Variants in RAD54L observed in about 807,000 individuals in gnomAD.
RAD54L encodes RAD54 like.
In RAD54L, 74 loss-of-function variants were observed where a neutral mutation model predicts 91.6. The ratio of observed to expected loss-of-function variants is 0.81; its 90% CI spans 0.67 to 0.98. The LOEUF is 0.98. Ranked by LOEUF, RAD54L falls within the 50% of genes least tolerant of loss-of-function variation. The probability of loss-of-function intolerance (pLI) is 0.00; values close to 1 mark genes in which losing one functional copy is unlikely to be tolerated. For missense variants in RAD54L, 887 were observed against 945.7 expected, an observed-to-expected ratio of 0.94 and a Z score of 0.81; for synonymous variants, 304 against 349.7, an observed-to-expected ratio of 0.87 and a Z score of 1.46.
intron 8 of RAD54L, 62 bp from the exon 9 acceptor site, chr1:46,267,397 A>G (rs1660295044): frequency 6.8e-6 from 11 of 1,609,354 alleles, no homozygotes; most frequent in Admixed American, 3.3e-5. Context: ...TCCTGTCTAC[A>G]TGAGACTTTG....
intron 10 of RAD54L, among the ~76,000 whole-genome samples, chr1:46,271,184 T>C (rs1214457596): frequency 6.6e-6 from 1 of 152,142 alleles, no homozygotes; most frequent in Non-Finnish European, 1.5e-5. Context: ...TGAAAGGTGG[T>C]TGTGGCTCCC....
At chr1:46,260,249 A>G (rs1660071753) in intron 5 of RAD54L, 150 bp downstream of exon 5, 2 of 1,295,950 alleles carry the variant, frequency 1.5e-6, no homozygotes, top group African/African-American at 2.9e-5. Context: ...TGCCTGGGGA[A>G]GAGCCTGTGG....
At position 46,272,025 on chromosome 1, in the gene RAD54L, C is replaced by CTTTTTTTTTTTTTTTTTTTTT. The variant is rs1162693010; in HGVS notation, c.1170-427_1170-407dup. Among the ~76,000 whole-genome samples the CTTTTTTTTTTTTTTTTTTTTT allele has an allele frequency of 1.5e-4, 6 of 41,170 alleles. 1 individual carries two copies. Among genetic ancestry groups the CTTTTTTTTTTTTTTTTTTTTT allele is most frequent in the Non-Finnish European group, 2.0e-4 (5 of 24,892 alleles). The allele number at this position is 41,170 out of a possible 152,430, so 27.0% of individuals were successfully genotyped here. Reference sequence around the variant, plus strand: ...GATGTGTTTGACATAGGTCTGATGACTTTTTTTTTTTTTTTTTTTTTTTTT... The same window carrying CTTTTTTTTTTTTTTTTTTTTT: ...GATGTGTTTGACATAGGTCTGATGACTTTTTTTTTTTTTTTTTTTTTTTTTTTTTTTTTTTTTTTTTTTTTT... On this transcript the variant is annotated intron_variant, in intron 10 of 17. Transcript: ENST00000371975.
At chr1:46,276,146 A>G (rs1447205594) in intron 16 of RAD54L, among the ~76,000 whole-genome samples, 4 of 152,240 alleles carry the variant, frequency 2.6e-5, no homozygotes, top group Middle Eastern at 3.4e-3. Flanking sequence ...CTTTAGAAGT[A>G]TCATGACTAA....
intron 14 of RAD54L, 115 bp from the exon 15 acceptor site, chr1:46,274,023 T>C: frequency 9.0e-7 from 1 of 1,110,126 alleles, no homozygotes; most frequent in Non-Finnish European, 1.3e-6. Context: ...GTCCCTTCAG[T>C]GGCTCTCCAA....
chr1:46,258,005 T>C (rs1659988199), intron 3 of RAD54L, among the ~76,000 whole-genome samples: 3 of 152,174 alleles, frequency 2.0e-5, no homozygotes, highest in African/African-American at 7.2e-5. Flanking sequence ...GTGTCTAGCA[T>C]ACATTGGTAG....
At position 46,263,188 on chromosome 1, in the gene RAD54L, A is replaced by G. The variant is rs1344018224; in HGVS notation, c.891+1803A>G. Among the ~76,000 whole-genome samples the G allele has an allele frequency of 6.6e-6, 1 of 152,142 alleles. No individual in the cohort carries two copies. Among genetic ancestry groups the G allele is most frequent in the Non-Finnish European group, 1.5e-5 (1 of 68,020 alleles). Reference sequence around the variant, plus strand: ...TTCTTGTTTCTTGTTTCTGGAACTAAGGGAATATGGCCGTAGTTACTTCCT... The same window carrying G: ...TTCTTGTTTCTTGTTTCTGGAACTAGGGGAATATGGCCGTAGTTACTTCCT... On this transcript the variant is annotated intron_variant, in intron 8 of 17. Coordinates refer to ENST00000371975, the MANE Select transcript of RAD54L (RefSeq NM_003579.4). The surrounding 1 kb of genome is among the most constrained non-coding windows in gnomAD (Gnocchi z 4.3).
At position 46,260,021 on chromosome 1, in the gene RAD54L, ATGACCCCC is replaced by A. The variant is rs1386929128; in HGVS notation, c.332_339del (p.Asp111GlyfsTer9). 3 of 1,614,156 alleles carry A rather than the reference ATGACCCCC, an allele frequency of 1.9e-6. No homozygotes were observed. In the Admixed American group the frequency reaches 5.0e-5, roughly 27 times the overall value. ...AGGGCTGGGGTCCGCCGGGCCCTCC[ATGACCCCC>A]TGGAAAAAGATGCCTTGGTTCTGTA... On this transcript the variant is annotated frameshift_variant, in exon 5 of 18. Transcript: ENST00000371975. LOFTEE classifies it high-confidence loss of function.
intron 8 of RAD54L, among the ~76,000 whole-genome samples, chr1:46,262,688 G>T (rs940793031): frequency 1.3e-5 from 2 of 152,072 alleles, no homozygotes; most frequent in African/African-American, 4.8e-5. Context: ...TACATTGTCA[G>T]GGTGAGGGAG....
rs1445941623 is a variant in RAD54L, at chr1:46,277,863, A to C, written c.1916A>C (p.Lys639Thr). The C allele has an allele frequency of 2.5e-6, 4 of 1,613,064 alleles. No individual in the cohort carries two copies. Among genetic ancestry groups the C allele is most frequent in the East Asian group, 2.2e-5 (1 of 44,884 alleles). Residue 639 changes from lysine to threonine, a missense_variant, in exon 17 of 18, where the codon AAG (lysine) becomes ACG (threonine). Coordinates refer to ENST00000371975, the MANE Select transcript of RAD54L (RefSeq NM_003579.4). Reference sequence around the variant, plus strand: ...ATCTTCCAGCGTCAGAGCCACAAGAAGGCACTGAGCAGCTGTGTGGTGGAT... The same window carrying C: ...ATCTTCCAGCGTCAGAGCCACAAGACGGCACTGAGCAGCTGTGTGGTGGAT... ...EKIFQRQSHK[K>T]ALSSCVVDEE... is the part of the protein sequence containing the mutation.
chr1:46,256,746 G>A (rs1659952860), intron 3 of RAD54L, among the ~76,000 whole-genome samples: 1 of 152,118 alleles, frequency 6.6e-6, no homozygotes. Flanking sequence ...GTTATTTAGT[G>A]TGATGTTGTC....
intron 8 of RAD54L, among the ~76,000 whole-genome samples, chr1:46,262,864 G>A (rs927167482): frequency 1.3e-5 from 2 of 152,126 alleles, no homozygotes; most frequent in African/African-American, 4.8e-5. Context: ...TCTAGAGTTA[G>A]AGACCTTTAT....
In RAD54L at chr1:46,272,745, G is replaced by A; in HGVS notation, c.1318G>A (p.Gly440Ser). The A allele has an allele frequency of 1.9e-6, 3 of 1,614,148 alleles. No homozygotes were observed. The South Asian group carries it at 3.3e-5, about 18-fold the overall frequency. ...CAAACCGGCAGAAGAATTGCTTGAG[G>A]GCAAGATGAGTGTGTCTTCCCTTTC... ...QAKPAEELLE[G>S]KMSVSSLSSI... The change falls in exon 12 of 18, where the codon GGC becomes AGC. Residue 440 changes from glycine (G) to serine (S), a missense_variant. Physicochemically the swap from Gly to Ser is moderately conservative, Grantham distance 56. Coordinates refer to ENST00000371975, the MANE Select transcript of RAD54L (RefSeq NM_003579.4).
Position 46,263,621 on chromosome 1 carries a change from A to AG in RAD54L, c.891+2236_891+2237insG, listed in dbSNP as rs1557703314. Among the ~76,000 whole-genome samples, 2 of 152,100 alleles carry AG rather than the reference A, an allele frequency of 1.3e-5. No individual in the cohort carries two copies. The highest frequency in any genetic ancestry group is 2.9e-5 in the Non-Finnish European group (2 of 68,002). On this transcript the variant is annotated intron_variant, in intron 8 of 17. Transcript: ENST00000371975. The surrounding 1 kb of genome is among the most constrained non-coding windows in gnomAD (Gnocchi z 4.3). ...CCCAACTTCCTGGTAGGAGTAGGGA[A>AG]CTTACCAGGTTGAGGTGAGGTATGC...
rs746431987 is a variant in RAD54L at position 46,260,927 on chromosome 1, G to T, written c.678G>T (p.Trp226Cys). Residue 226 changes from tryptophan to cysteine, a missense_variant, in exon 7 of 18, where the codon TGG (tryptophan) becomes TGT (cysteine). Trp to Cys is a radical substitution (Grantham distance 215). Transcript: ENST00000371975. ...VVSPSSLVKN[W>C]YNEVGKWLGG... ...CGCCTTCCAGCCTGGTGAAGAACTG[G>T]TACAATGAGGTTGGGAAATGGCTCG... 3.1e-6 allele frequency: 5 copies of T among 1,614,232 alleles called. No individual in the cohort carries two copies. Among genetic ancestry groups the T allele is most frequent in the Non-Finnish European group, 4.2e-6 (5 of 1,180,040 alleles).
In RAD54L at chr1:46,248,338, T is replaced by C. The variant is rs916904401; in HGVS notation, c.-68T>C. On this transcript the variant is annotated 5_prime_UTR_variant, in exon 1 of 18. Coordinates refer to ENST00000371975, the MANE Select transcript of RAD54L (RefSeq NM_003579.4). The stretch of plus-strand genomic sequence containing the variant: ...TACAGATTAGACCCTGGTCCTACAC[T>C]CTTAGCCGCTGCCTGCTTTTGACCT... The C allele has an allele frequency of 6.3e-6, 10 of 1,599,808 alleles. No homozygotes were observed. Among genetic ancestry groups the C allele is most frequent in the Non-Finnish European group, 8.5e-6 (10 of 1,169,828 alleles).
intron 3 of RAD54L, among the ~76,000 whole-genome samples, chr1:46,257,252 G>A (rs373999197): frequency 1.3e-5 from 2 of 151,752 alleles, no homozygotes; most frequent in Non-Finnish European, 2.9e-5. Context: ...AAAATATCAC[G>A]GCAGGCTTGC....
At position 46,263,987 on chromosome 1, in the gene RAD54L, G is replaced by A. The variant is rs1569590543; in HGVS notation, c.891+2602G>A. ...AATTTTTGTATTTTTAGTAGAGATG[G>A]GGTTTCACCATGTTGGCCAGGCTAG... is the stretch of plus-strand genomic sequence containing the variant. On this transcript the variant is annotated intron_variant, in intron 8 of 17. Coordinates refer to ENST00000371975, the MANE Select transcript of RAD54L (RefSeq NM_003579.4). The surrounding 1 kb of genome is among the most constrained non-coding windows in gnomAD (Gnocchi z 4.3). 6.6e-6 allele frequency among the ~76,000 whole-genome samples: 1 copy of A among 152,186 alleles called. No homozygotes were observed. Among genetic ancestry groups the A allele is most frequent in the East Asian group, 1.9e-4 (1 of 5,172 alleles).
In RAD54L at chr1:46,270,721, G is replaced by C. The variant is rs186632518; in HGVS notation, c.1105G>C (p.Ala369Pro). ...AATTTTGAAGGGTCGAGACGCTGCT[G>C]CTAGTGAGGCAGACAGGCAGCTAGG... Reference protein sequence around the residue: ...LPILKGRDAAASEADRQLGEE... With the variant: ...LPILKGRDAAPSEADRQLGEE... Residue 369 changes from alanine to proline, a missense_variant, in exon 10 of 18, where the codon GCT becomes CCT. Transcript: ENST00000371975. 1 of 1,614,126 alleles carries C rather than the reference G, an allele frequency of 6.2e-7. No homozygotes were observed. The highest frequency in any genetic ancestry group is 1.1e-5 in the South Asian group (1 of 91,084).
Sources: allele counts gnomAD v4.1 joint callset (sites outside exome capture counted in the v4.1 genomes callset), GRCh38; gene constraint gnomAD v4.1.1; non-coding constraint Gnocchi (gnomAD v3.1); transcripts MANE v1.5; gene names NCBI Gene and HGNC (gene_info 2026-07-23, HGNC 2026-07-21).